RABGAP1L: variants seen among roughly 807,000 people sequenced by gnomAD.
The protein encoded by RABGAP1L is rab GTPase-activating protein 1-like.
Under a neutral mutation model 137.7 loss-of-function variants are expected in RABGAP1L, and 63 were observed. The observed-to-expected ratio is 0.46, with a 90% CI of 0.37 to 0.56. The LOEUF (loss-of-function observed/expected upper bound fraction) is 0.56. RABGAP1L is among the 20% of genes least tolerant of loss of function. RABGAP1L has a pLI of 0.00. For synonymous variants in RABGAP1L, 431 were observed against 433.7 expected (o/e 0.99, Z 0.08); for missense variants, 1,095 against 1,244.0 (o/e 0.88, Z 1.80).
At chr1:174,904,255 C>G (rs1658659443) in intron 19 of RABGAP1L, among the ~76,000 whole-genome samples, 1 of 151,996 alleles carries the variant, frequency 6.6e-6, no homozygotes, top group Non-Finnish European at 1.5e-5. Context: ...GCCTATAATC[C>G]CTGTACTTTG....
intron 19 of RABGAP1L, among the ~76,000 whole-genome samples, chr1:174,822,011 C>T (rs1321509324): frequency 2.0e-5 from 3 of 152,162 alleles, no homozygotes; most frequent in Non-Finnish European, 4.4e-5. Flanking sequence ...GCCTGTAATC[C>T]CAGCCCTTTG....
intron 13 of RABGAP1L, among the ~76,000 whole-genome samples, chr1:174,414,814 AAGTGT>A (rs1169229647): frequency 4.6e-5 from 7 of 152,082 alleles, no homozygotes; most frequent in Non-Finnish European, 7.4e-5. Flanking sequence ...TATGAAATAG[AAGTGT>A]AGTTGCTAAT....
intron 19 of RABGAP1L, among the ~76,000 whole-genome samples, chr1:174,953,602 TAA>T (rs1668059838): frequency 6.6e-6 from 1 of 152,224 alleles, no homozygotes; most frequent in Non-Finnish European, 1.5e-5. Context: ...TTTAGAATTA[TAA>T]CGCTCTGAGT....
intron 13 of RABGAP1L, among the ~76,000 whole-genome samples, chr1:174,477,893 A>G (rs1658670127): frequency 6.6e-6 from 1 of 152,136 alleles, no homozygotes; most frequent in Admixed American, 6.6e-5. Flanking sequence ...ATTTTTTTCA[A>G]GTATTTATAT....
chr1:174,617,943 C>T (rs770506160), intron 13 of RABGAP1L, among the ~76,000 whole-genome samples: 5 of 152,104 alleles, frequency 3.3e-5, no homozygotes, highest in Admixed American at 1.3e-4. Flanking sequence ...CACTCCCACC[C>T]GAATACTGCA....
intron 13 of RABGAP1L, among the ~76,000 whole-genome samples, chr1:174,470,699 G>A (rs533349004): frequency 2.0e-5 from 3 of 152,210 alleles, no homozygotes; most frequent in African/African-American, 7.2e-5. Flanking sequence ...CCTGGGAGAT[G>A]GAGGTTACAG....
intron 13 of RABGAP1L, among the ~76,000 whole-genome samples, chr1:174,426,746 T>G (rs1240710801): frequency 2.0e-5 from 3 of 152,116 alleles, no homozygotes; most frequent in African/African-American, 7.2e-5. Flanking sequence ...ATTAGTACAT[T>G]TAGATCCTAT....
At chr1:174,376,191 GGAAA>G (rs1033778976) in intron 12 of RABGAP1L, among the ~76,000 whole-genome samples, 6 of 141,240 alleles carry the variant, frequency 4.2e-5, no homozygotes, top group East Asian at 2.1e-4. Context: ...AGAAAGTGAA[GGAAA>G]GAAAGGAAGA....
intron 15 of RABGAP1L, among the ~76,000 whole-genome samples, chr1:174,694,835 A>G (rs1434143064): frequency 6.6e-6 from 1 of 151,300 alleles, no homozygotes; most frequent in Non-Finnish European, 1.5e-5. Context: ...AAGTGTTCCT[A>G]TTTCTCCACA....
At chr1:174,217,085 T>C (rs1243758996) in intron 1 of RABGAP1L, among the ~76,000 whole-genome samples, 1 of 152,054 alleles carries the variant, frequency 6.6e-6, no homozygotes, top group Non-Finnish European at 1.5e-5. Context: ...ATTTTGGAAG[T>C]GGGTCTGACA....
intron 10 of RABGAP1L, among the ~76,000 whole-genome samples, chr1:174,288,702 T>A (rs1279740518): frequency 6.6e-6 from 1 of 152,024 alleles, no homozygotes; most frequent in Admixed American, 6.5e-5. Context: ...TCAGCCTGTT[T>A]GGAAATCTAT....
At chr1:174,948,501 C>T (rs1238744479) in intron 19 of RABGAP1L, among the ~76,000 whole-genome samples, 1 of 131,088 alleles carries the variant, frequency 7.6e-6, no homozygotes, top group Non-Finnish European at 1.5e-5. Context: ...CAGAGCGAGA[C>T]CCTGCCTCAA....
At chr1:174,441,263 T>C (rs1309442473) in intron 13 of RABGAP1L, among the ~76,000 whole-genome samples, 1 of 151,868 alleles carries the variant, frequency 6.6e-6, no homozygotes, top group Non-Finnish European at 1.5e-5. Flanking sequence ...AATAATAAGA[T>C]ACCTAATGAC....
chr1:174,722,256 A>G (rs1272804122), intron 17 of RABGAP1L, among the ~76,000 whole-genome samples: 1 of 152,150 alleles, frequency 6.6e-6, no homozygotes, highest in Admixed American at 6.6e-5. Flanking sequence ...GGTTGATGCC[A>G]GTCACACTTA....
At chr1:174,535,329 A>G (rs1459233943) in intron 13 of RABGAP1L, among the ~76,000 whole-genome samples, 1 of 152,134 alleles carries the variant, frequency 6.6e-6, no homozygotes, top group Non-Finnish European at 1.5e-5. Context: ...GACTGTGAGG[A>G]TCTCTGAGAA....
chr1:174,685,928 G>A (rs1678425028), intron 15 of RABGAP1L, among the ~76,000 whole-genome samples: 1 of 152,196 alleles, frequency 6.6e-6, no homozygotes, highest in Non-Finnish European at 1.5e-5. Context: ...GGAGATATAT[G>A]TTCAGCAGCC....
intron 13 of RABGAP1L, among the ~76,000 whole-genome samples, chr1:174,572,910 G>C: frequency 6.6e-6 from 1 of 152,064 alleles, no homozygotes; most frequent in Non-Finnish European, 1.5e-5. Context: ...AATCATAGCA[G>C]AATCATCTCA....
intron 11 of RABGAP1L, among the ~76,000 whole-genome samples, chr1:174,352,095 A>C (rs1023980968): frequency 2.0e-5 from 3 of 152,146 alleles, no homozygotes; most frequent in African/African-American, 7.2e-5. Flanking sequence ...GGCGTGAGCC[A>C]CCACGCCCGG....
intron 19 of RABGAP1L, among the ~76,000 whole-genome samples, chr1:174,884,478 T>A (rs551949141): frequency 1.1e-4 from 16 of 152,350 alleles, no homozygotes; most frequent in Middle Eastern, 3.4e-3. Context: ...CCATATTTTT[T>A]AAAAATGTTA....
Sources: gnomAD v4.1 joint callset for allele counts (sites outside exome capture counted in the v4.1 genomes callset) on GRCh38, gnomAD v4.1.1 for gene constraint, MANE v1.5 for transcripts, NCBI Gene and HGNC (gene_info 2026-07-23, HGNC 2026-07-21) for gene names.